DAAM2: variants seen among roughly 807,000 people sequenced by gnomAD.
The protein encoded by DAAM2 is disheveled-associated activator of morphogenesis 2.
In DAAM2, 39 loss-of-function variants were observed where a neutral mutation model predicts 120.7. That is an observed-to-expected ratio of 0.32 (90% CI 0.25 to 0.42). DAAM2 has a LOEUF of 0.42. Ranked by LOEUF, DAAM2 falls within the 10% of genes least tolerant of loss-of-function variation. The pLI, the probability that DAAM2 is intolerant of heterozygous loss-of-function variation, is 1.00. For synonymous variants in DAAM2, 488 were observed against 524.9 expected (o/e 0.93, Z 0.96); for missense variants, 1,283 against 1,401.7 (o/e 0.92, Z 1.35).
chr6:39,873,783 T>C (rs1316589807), intron 10 of DAAM2, among the ~76,000 whole-genome samples: 1 of 152,236 alleles, frequency 6.6e-6, no homozygotes, highest in Non-Finnish European at 1.5e-5. Context: ...CTAGTCCTTG[T>C]TGGCTTCCAC....
In DAAM2 at chr6:39,875,946, T is replaced by A. The variant is rs527290207; in HGVS notation, c.1301+478T>A. On this transcript the variant is annotated intron_variant, in intron 11 of 24. Transcript: ENST00000274867. ...TTATTGTGTATGGCCCATGAACTAA[T>A]AATTTTTACATTTCAAACAACACAC... is the stretch of plus-strand genomic sequence containing the variant. Among the ~76,000 whole-genome samples the A allele has an allele frequency of 2.6e-5, 4 of 152,340 alleles. No homozygotes were observed. The South Asian group carries it at 6.2e-4, about 24-fold the overall frequency.
intron 1 of DAAM2, among the ~76,000 whole-genome samples, chr6:39,817,085 A>G (rs1450972316): frequency 6.6e-6 from 1 of 152,178 alleles, no homozygotes; most frequent in Non-Finnish European, 1.5e-5. Context: ...TTCAGCAGTG[A>G]GATCGCACCT....
At chr6:39,856,614 C>T (rs1764016426) in intron 2 of DAAM2, 144 bp downstream of exon 2, 2 of 576,510 alleles carry the variant, frequency 3.5e-6, no homozygotes, top group Non-Finnish European at 5.6e-6. Context: ...CAGGACACCT[C>T]AGCTATGTTG....
chr6:39,849,655 T>C (rs1763732743), intron 1 of DAAM2, among the ~76,000 whole-genome samples: 1 of 152,178 alleles, frequency 6.6e-6, no homozygotes, highest in Non-Finnish European at 1.5e-5. Flanking sequence ...TGGGTGATGG[T>C]AATTCAACAG....
At chr6:39,895,608 A>C (rs1206223834) in intron 19 of DAAM2, among the ~76,000 whole-genome samples, 1 of 152,226 alleles carries the variant, frequency 6.6e-6, no homozygotes, top group East Asian at 1.9e-4. Flanking sequence ...AGCATCTTAA[A>C]GAATGTTCAG....
chr6:39,828,724 G>A (rs112551242), intron 1 of DAAM2, among the ~76,000 whole-genome samples: 8,834 of 151,990 alleles, frequency 0.058, 329 homozygotes, highest in Middle Eastern at 0.068. Flanking sequence ...CACCATGCCC[G>A]GCTAATTTTT....
intron 1 of DAAM2, among the ~76,000 whole-genome samples, chr6:39,804,580 A>C (rs1252088372): frequency 6.6e-6 from 1 of 152,172 alleles, no homozygotes; most frequent in Non-Finnish European, 1.5e-5. Flanking sequence ...ATACACATAC[A>C]AAGGACAAAG....
At chr6:39,798,555 G>A (rs1201029283) in intron 1 of DAAM2, among the ~76,000 whole-genome samples, 1 of 152,188 alleles carries the variant, frequency 6.6e-6, no homozygotes, top group African/African-American at 2.4e-5. Flanking sequence ...GTCCTTTTAA[G>A]ACAACACAGA....
intron 1 of DAAM2, among the ~76,000 whole-genome samples, chr6:39,839,014 A>G (rs948147774): frequency 4.0e-5 from 6 of 151,492 alleles, no homozygotes; most frequent in African/African-American, 1.5e-4. Flanking sequence ...TGAACTGCTC[A>G]CCCTAGTGGT....
At position 39,902,059 on chromosome 6, in the gene DAAM2, G is replaced by C. The variant is rs767377772; in HGVS notation, c.*22G>C. The C allele has an allele frequency of 2.5e-6, 4 of 1,573,010 alleles. No individual in the cohort carries two copies. The highest frequency in any genetic ancestry group is 3.5e-6 in the Non-Finnish European group (4 of 1,152,050). The stretch of plus-strand genomic sequence containing the variant: ...TTGACCTGGGGAACTAGCCACACAG[G>C]AGGCCGGGAGACAGGGACTGGTGAG... On this transcript the variant is annotated 3_prime_UTR_variant, in exon 25 of 25. Coordinates refer to ENST00000274867, the MANE Select transcript of DAAM2 (RefSeq NM_001201427.2).
intron 1 of DAAM2, among the ~76,000 whole-genome samples, chr6:39,797,037 G>T (rs954190323): frequency 6.6e-6 from 1 of 152,186 alleles, no homozygotes; most frequent in Non-Finnish European, 1.5e-5. Context: ...AACTGTGCTT[G>T]GAGGTCAGAT....
rs1187781137 is a variant in DAAM2, at chr6:39,792,376, G to A, written c.-146G>A. ...GGGGCGGCAGCCGCGGCTTCCCGGG[G>A]ATAGCGCGGAGCACGCAGCAGCGAG... On this transcript the variant is annotated 5_prime_UTR_variant, in exon 1 of 25. Coordinates refer to ENST00000274867, the MANE Select transcript of DAAM2 (RefSeq NM_001201427.2). 1 of 152,224 alleles carries A rather than the reference G, an allele frequency of 6.6e-6. No homozygotes were observed. The highest frequency in any genetic ancestry group is 2.4e-5 in the African/African-American group (1 of 41,450). 9.4% of individuals were successfully genotyped at this position (152,224 alleles called of 1,614,324 possible). A position where few individuals can be genotyped will look rare whatever the true frequency, so the allele number is the denominator to read the frequency against.
At chr6:39,845,188 A>G (rs1763520749) in intron 1 of DAAM2, among the ~76,000 whole-genome samples, 1 of 96,296 alleles carries the variant, frequency 1.0e-5, no homozygotes, top group Non-Finnish European at 2.2e-5. Context: ...ACATACACAT[A>G]CACCAGACAT....
In DAAM2 at chr6:39,899,271, G is replaced by A. The variant is rs3736827; in HGVS notation, c.2679+334G>A. 0.013 allele frequency among the ~76,000 whole-genome samples: 1,998 copies of A among 152,306 alleles called. 180 individuals carry two copies. The East Asian group carries it at 0.25, about 19-fold the overall frequency. ...ACTGCCAGCTAGGGGCAGGAAGCAC[G>A]CAATGTGGCAGTGGGACCGATGTAC... On this transcript the variant is annotated intron_variant, in intron 22 of 24. Coordinates refer to ENST00000274867, the MANE Select transcript of DAAM2 (RefSeq NM_001201427.2).
chr6:39,830,935 A>T (rs566662387), intron 1 of DAAM2, among the ~76,000 whole-genome samples: 1 of 152,304 alleles, frequency 6.6e-6, no homozygotes, highest in Admixed American at 6.5e-5. Flanking sequence ...TCTCAGGTCG[A>T]CCATGTACCA....
At chr6:39,852,861 C>T (rs1055723550) in intron 1 of DAAM2, among the ~76,000 whole-genome samples, 5 of 152,114 alleles carry the variant, frequency 3.3e-5, no homozygotes, top group African/African-American at 1.2e-4. Context: ...AGAGCAGGAG[C>T]GGGTGAGGAA....
At chr6:39,797,939 A>G (rs1289159140) in intron 1 of DAAM2, among the ~76,000 whole-genome samples, 1 of 152,232 alleles carries the variant, frequency 6.6e-6, no homozygotes, top group African/African-American at 2.4e-5. Context: ...ATCTTGTTTT[A>G]TAGATAAAGT....
chr6:39,843,723 C>G (rs1182614622), intron 1 of DAAM2, among the ~76,000 whole-genome samples: 1 of 152,222 alleles, frequency 6.6e-6, no homozygotes, highest in Non-Finnish European at 1.5e-5. Flanking sequence ...CAGCCTGGAC[C>G]TTTCTGTGAC....
chr6:39,823,421 A>C (rs765868552), intron 1 of DAAM2, among the ~76,000 whole-genome samples: 2 of 152,192 alleles, frequency 1.3e-5, no homozygotes, highest in Non-Finnish European at 2.9e-5. Flanking sequence ...CCAGAGACTC[A>C]GAGAGGAACA....
Sources: allele counts gnomAD v4.1 joint callset (sites outside exome capture counted in the v4.1 genomes callset), GRCh38; gene constraint gnomAD v4.1.1; transcripts MANE v1.5; gene names NCBI Gene and HGNC (gene_info 2026-07-23, HGNC 2026-07-21).